The following SIPA1L1 variants were observed in gnomAD, a reference collection of about 807,000 sequenced individuals.
SIPA1L1 encodes signal-induced proliferation-associated 1-like protein 1.
Under a neutral mutation model 162.7 loss-of-function variants are expected in SIPA1L1, and 26 were observed. That is an observed-to-expected ratio of 0.16 (90% CI 0.12 to 0.22). The LOEUF (loss-of-function observed/expected upper bound fraction) is 0.22, where lower values mean the gene tolerates loss of function less well. SIPA1L1 is among the 10% of genes least tolerant of loss of function. SIPA1L1 has a pLI of 1.00. For synonymous variants in SIPA1L1, 829 were observed against 837.4 expected, an observed-to-expected ratio of 0.99 and a Z score of 0.17; for missense variants, 1,874 against 2,241.0, an observed-to-expected ratio of 0.84 and a Z score of 3.31.
intron 16 of SIPA1L1, among the ~76,000 whole-genome samples, chr14:71,708,015 G>GTTTTTTTTTTTTTTTTTTTTTTTTTT (rs34838057): frequency 2.0e-5 from 2 of 100,302 alleles, no homozygotes; most frequent in African/African-American, 3.9e-5. Context: ...GTTTTTTGGT[G>GTTTTTTTTTTTTTTTTTTTTTTTTTT]TTTTTTTTTT....
intron 2 of SIPA1L1, among the ~76,000 whole-genome samples, chr14:71,388,080 T>C (rs573281275): frequency 6.6e-6 from 1 of 152,330 alleles, no homozygotes; most frequent in South Asian, 2.1e-4. Flanking sequence ...TGTTCAAATA[T>C]TTGAATTTGT....
intron 12 of SIPA1L1, among the ~76,000 whole-genome samples, chr14:71,678,256 A>G (rs939569478): frequency 6.6e-6 from 1 of 152,222 alleles, no homozygotes; most frequent in African/African-American, 2.4e-5. Flanking sequence ...TTGCCCATTC[A>G]GTATGATAAT....
chr14:71,513,639 G>A (rs1054490856), intron 3 of SIPA1L1, among the ~76,000 whole-genome samples: 2 of 152,030 alleles, frequency 1.3e-5, no homozygotes, highest in African/African-American at 2.4e-5. Flanking sequence ...CTAAAGGCAC[G>A]TGCCACCGTG....
At chr14:71,550,052 AC>A (rs1007158535) in intron 4 of SIPA1L1, among the ~76,000 whole-genome samples, 5 of 152,028 alleles carry the variant, frequency 3.3e-5, no homozygotes, top group African/African-American at 1.2e-4. Flanking sequence ...TGAAGCCAAG[AC>A]TTGGAAACCA....
chr14:71,445,561 G>T (rs931374336), intron 2 of SIPA1L1, among the ~76,000 whole-genome samples: 5 of 152,032 alleles, frequency 3.3e-5, no homozygotes, highest in Non-Finnish European at 1.5e-5. Flanking sequence ...TCTCAAATCG[G>T]TTGTACTGGT....
At chr14:71,659,541 C>T (rs1392035016) in intron 9 of SIPA1L1, among the ~76,000 whole-genome samples, 4 of 152,076 alleles carry the variant, frequency 2.6e-5, no homozygotes, top group Admixed American at 6.6e-5. Context: ...GATTTTAGCT[C>T]TCTTTGAAAG....
chr14:71,625,348 G>A (rs182514649), intron 7 of SIPA1L1, among the ~76,000 whole-genome samples: 207 of 150,186 alleles, frequency 1.4e-3, no homozygotes, highest in Non-Finnish European at 2.5e-3. Flanking sequence ...TCACCCAGGC[G>A]GAGTGCAGTG....
chr14:71,469,075 G>A (rs2047243730), intron 2 of SIPA1L1, among the ~76,000 whole-genome samples: 1 of 151,680 alleles, frequency 6.6e-6, no homozygotes, highest in Admixed American at 6.6e-5. Context: ...GGAATGGTCT[G>A]GAATGCTCTC....
At position 71,506,241 on chromosome 14, in the gene SIPA1L1, G is replaced by A. The variant is rs1415461623; in HGVS notation, c.-464-6502G>A. On this transcript the variant is annotated intron_variant, in intron 2 of 23. Coordinates refer to ENST00000381232, the MANE Select transcript of SIPA1L1 (RefSeq NM_001386936.1). ...TGTGTTTTGCTTCAAAAACATTGTA[G>A]TAGAATGTATATTTGTTCCTATAAC... Among the ~76,000 whole-genome samples the A allele has an allele frequency of 2.6e-5, 4 of 152,120 alleles. No individual in the cohort carries two copies. The South Asian group carries it at 6.2e-4, about 24-fold the overall frequency.
At chr14:71,624,540 CATA>C (rs757201806) in intron 7 of SIPA1L1, among the ~76,000 whole-genome samples, 1 of 152,076 alleles carries the variant, frequency 6.6e-6, no homozygotes, top group African/African-American at 2.4e-5. Context: ...TAGCAGTAAT[CATA>C]ATAATGTTGT....
chr14:71,461,706 G>T (rs1484649287), intron 2 of SIPA1L1, among the ~76,000 whole-genome samples: 4 of 152,196 alleles, frequency 2.6e-5, no homozygotes, highest in Non-Finnish European at 5.9e-5. Context: ...TCCATGCAAA[G>T]TGCACAACCA....
At chr14:71,467,386 T>G (rs529790090) in intron 2 of SIPA1L1, 1 of 152,230 alleles carries the variant, frequency 6.6e-6, no homozygotes, top group Admixed American at 6.5e-5. Flanking sequence ...TTTGATGAGA[T>G]GATACTTACA....
At chr14:71,386,148 A>T (rs763202747) in intron 2 of SIPA1L1, among the ~76,000 whole-genome samples, 30 of 152,200 alleles carry the variant, frequency 2.0e-4, no homozygotes, top group Non-Finnish European at 4.0e-4. Flanking sequence ...AGGGGGACAG[A>T]ACTAATAGGA....
rs1461749299 is a variant in SIPA1L1 at position 71,543,875 on chromosome 14, GTA to G, written c.-303+14512_-303+14513del. Among the ~76,000 whole-genome samples the G allele has an allele frequency of 6.1e-5, 9 of 147,438 alleles. 1 individual carries two copies. The South Asian group carries it at 1.5e-3, about 25-fold the overall frequency. ...ATATATACATATATCATACGTATGT[GTA>G]TATATACATATATCATACGTATATG... is the stretch of plus-strand genomic sequence containing the variant. On this transcript the variant is annotated intron_variant, in intron 4 of 23. Coordinates refer to ENST00000381232, the MANE Select transcript of SIPA1L1 (RefSeq NM_001386936.1).
chr14:71,599,858 CT>C (rs2036524678), intron 5 of SIPA1L1, among the ~76,000 whole-genome samples: 1 of 152,110 alleles, frequency 6.6e-6, no homozygotes, highest in African/African-American at 2.4e-5. Flanking sequence ...TTGCATTCCT[CT>C]GATAATTAGT....
At chr14:71,591,318 GATA>G (rs1296836342) in intron 5 of SIPA1L1, among the ~76,000 whole-genome samples, 5 of 43,800 alleles carry the variant, frequency 1.1e-4, no homozygotes, top group Admixed American at 9.2e-4. Flanking sequence ...GAGCTTAAGT[GATA>G]AGACTCTCAT....
intron 13 of SIPA1L1, among the ~76,000 whole-genome samples, chr14:71,695,826 C>T (rs999504932): frequency 1.3e-5 from 2 of 152,154 alleles, no homozygotes; most frequent in African/African-American, 4.8e-5. Flanking sequence ...GTATAAGAGC[C>T]AAACACTTCA....
intron 2 of SIPA1L1, among the ~76,000 whole-genome samples, chr14:71,499,531 A>G (rs1442165193): frequency 6.6e-6 from 1 of 152,222 alleles, no homozygotes; most frequent in Non-Finnish European, 1.5e-5. Flanking sequence ...ATTGTATCAT[A>G]ATATGGTAAT....
chr14:71,708,016 T>TTTTTTTTTTTTG, intron 16 of SIPA1L1, among the ~76,000 whole-genome samples: 1 of 18,686 alleles, frequency 5.4e-5, no homozygotes, highest in South Asian at 5.9e-3. Flanking sequence ...TTTTTTGGTG[T>TTTTTTTTTTTTG]TTTTTTTTTT....
Sources: gnomAD v4.1 joint callset for allele counts (sites outside exome capture counted in the v4.1 genomes callset) on GRCh38, gnomAD v4.1.1 for gene constraint, MANE v1.5 for transcripts, NCBI Gene and HGNC (gene_info 2026-07-23, HGNC 2026-07-21) for gene names.